Variants in ARFGEF1 observed in about 807,000 individuals in gnomAD.
The protein encoded by ARFGEF1 is brefeldin A-inhibited guanine nucleotide-exchange protein 1.
ARFGEF1 carries 42 observed loss-of-function variants against 231.0 expected under a neutral mutation model. That is an observed-to-expected ratio of 0.18 (90% CI 0.14 to 0.24). The LOEUF (loss-of-function observed/expected upper bound fraction) is 0.24. ARFGEF1 is among the 10% of genes least tolerant of loss of function. The pLI is 1.00. For synonymous variants in ARFGEF1, 710 were observed against 732.3 expected (o/e 0.97, Z 0.49); for missense variants, 1,345 against 2,192.0 (o/e 0.61, Z 7.72).
At chr8:67,310,968 G>GGGGGTCAGTTCCCC (rs574813309) in intron 1 of ARFGEF1, among the ~76,000 whole-genome samples, 1 of 145,342 alleles carries the variant, frequency 6.9e-6, no homozygotes, top group Non-Finnish European at 1.5e-5. Context: ...AGGGAGGTGG[G>GGGGGTCAGTTCCCC]GCCCGGGAGG....
At chr8:67,206,060 G>T (rs879902064) in intron 34 of ARFGEF1, among the ~76,000 whole-genome samples, 2 of 152,064 alleles carry the variant, frequency 1.3e-5, no homozygotes, top group Non-Finnish European at 2.9e-5. Context: ...ATTCGTAGTT[G>T]TGACTGAAAT....
At chr8:67,281,374 A>T (rs1805529966) in intron 7 of ARFGEF1, among the ~76,000 whole-genome samples, 1 of 152,160 alleles carries the variant, frequency 6.6e-6, no homozygotes, top group Non-Finnish European at 1.5e-5. Context: ...TAAAAAAACA[A>T]AAGTAAAATT....
chr8:67,295,251 AG>A (rs1158818191), intron 5 of ARFGEF1, among the ~76,000 whole-genome samples: 1 of 152,164 alleles, frequency 6.6e-6, no homozygotes, highest in African/African-American at 2.4e-5. Context: ...TGAGCAAGTG[AG>A]GGGAGGATCT....
At chr8:67,306,904 A>C (rs1806772777) in intron 1 of ARFGEF1, among the ~76,000 whole-genome samples, 1 of 152,154 alleles carries the variant, frequency 6.6e-6, no homozygotes, top group Non-Finnish European at 1.5e-5. Context: ...CAGCCTCCTG[A>C]GTAGCTGGGA....
chr8:67,290,177 AC>A, intron 6 of ARFGEF1, among the ~76,000 whole-genome samples: 1 of 152,344 alleles, frequency 6.6e-6, no homozygotes, highest in East Asian at 1.9e-4. Flanking sequence ...AATAATCATC[AC>A]AATCCCACAG....
chr8:67,292,033 G>A lies in ARFGEF1; in HGVS notation c.730C>T (p.Pro244Ser). Residue 244 changes from proline to serine, a missense_variant, in exon 6 of 39, where the codon CCT becomes TCT. Physicochemically the swap from Pro to Ser is moderately conservative, Grantham distance 74 (BLOSUM62 -1). Around this residue, in one of 14 missense-constraint regions of ARFGEF1, gnomAD observed 398 missense variants for 463.2 expected, o/e 0.86. Transcript: ENST00000262215. ...TGAGGTGGCAAATATCTAAGTTGAG[G>A]TGATTCAGGCTCGTGATGGCTTACT... ...SPVSHHEPES[P>S]QLRYLPPQTV... 3.7e-6 allele frequency: 6 copies of A among 1,614,000 alleles called. No individual in the cohort carries two copies. In the South Asian group the frequency reaches 6.6e-5, roughly 18 times the overall value.
At chr8:67,213,335 G>T (rs1005264097) in intron 33 of ARFGEF1, among the ~76,000 whole-genome samples, 1 of 152,222 alleles carries the variant, frequency 6.6e-6, no homozygotes, top group African/African-American at 2.4e-5. Context: ...TTAAATAAGA[G>T]TATTGTTTCA....
chr8:67,314,181 A>T (rs1453723055), intron 1 of ARFGEF1, among the ~76,000 whole-genome samples: 3 of 152,124 alleles, frequency 2.0e-5, no homozygotes, highest in Non-Finnish European at 4.4e-5. Flanking sequence ...AACTTGCCTG[A>T]GGCTTTCCGC....
At chr8:67,199,666 T>C (rs1242602340) in intron 38 of ARFGEF1, 1 of 154,770 alleles carries the variant, frequency 6.5e-6, no homozygotes. Context: ...CAGTGAGACA[T>C]ATTATGACCA....
intron 33 of ARFGEF1, among the ~76,000 whole-genome samples, chr8:67,212,657 A>T (rs554517574): frequency 2.6e-5 from 4 of 152,302 alleles, no homozygotes; most frequent in African/African-American, 9.6e-5. Flanking sequence ...ATTCTGACGT[A>T]ACAGTCCCAG....
chr8:67,244,652 C>T lies in ARFGEF1; in HGVS notation c.2851-4362G>A, dbSNP rs534452414. On this transcript the variant is annotated intron_variant, in intron 19 of 38. Coordinates refer to ENST00000262215, the MANE Select transcript of ARFGEF1 (RefSeq NM_006421.5). ...TCAAGCAGAAGAAAGAATTAGTAAG[C>T]GTGAAGACAGGCTATCTGAAAAAAA... is the stretch of plus-strand genomic sequence containing the variant. 4.9e-4 allele frequency among the ~76,000 whole-genome samples: 73 copies of T among 149,130 alleles called. 3 individuals are homozygous for T. Among genetic ancestry groups the T allele is most frequent in the African/African-American group, 1.8e-3 (72 of 39,718 alleles).
At chr8:67,197,259 CA>C (rs1265930721), downstream of ARFGEF1, among the ~76,000 whole-genome samples, 3 of 151,514 alleles carry the variant, frequency 2.0e-5, no homozygotes, top group Non-Finnish European at 2.9e-5. Context: ...CCAGCCTGGG[CA>C]ATATAGTGAG....
chr8:67,317,965 C>T (rs1587305395), intron 1 of ARFGEF1, among the ~76,000 whole-genome samples: 1 of 151,012 alleles, frequency 6.6e-6, no homozygotes, highest in Non-Finnish European at 1.5e-5. Flanking sequence ...AGGCCAGGCG[C>T]GGTGGCTCAC....
At chr8:67,313,323 A>T (rs1028639568) in intron 1 of ARFGEF1, among the ~76,000 whole-genome samples, 10 of 152,192 alleles carry the variant, frequency 6.6e-5, no homozygotes, top group African/African-American at 2.4e-4. Context: ...CACTGCTGGT[A>T]AACTAGTGTG....
intron 17 of ARFGEF1, among the ~76,000 whole-genome samples, chr8:67,254,406 G>A (rs1384020407): frequency 2.0e-5 from 3 of 152,084 alleles, no homozygotes; most frequent in Non-Finnish European, 4.4e-5. Context: ...TCTCTGAAGA[G>A]GTATTTATTT....
In ARFGEF1 at chr8:67,331,591, T is replaced by C. The variant is rs147310391; in HGVS notation, c.124+11573A>G. 6.5e-3 allele frequency among the ~76,000 whole-genome samples: 991 copies of C among 152,304 alleles called. 7 individuals are homozygous for C. The highest frequency in any genetic ancestry group is 0.023 in the African/African-American group (948 of 41,556). On this transcript the variant is annotated intron_variant, in intron 1 of 38. Transcript: ENST00000262215. ...CCACCCAGTTTACAGTATTCTGTTA[T>C]AGTAGCTTAAACAGACTAAGATATA...
At chr8:67,239,043 G>A (rs1587111777) in intron 20 of ARFGEF1, 150 bp from the exon 21 acceptor site, 6 of 611,418 alleles carry the variant, frequency 9.8e-6, no homozygotes, top group Non-Finnish European at 1.5e-5. Context: ...GTCTCACCCT[G>A]TCGCCCAGGC....
Position 67,296,045 on chromosome 8 carries a change from C to A in ARFGEF1, c.639+386G>T, listed in dbSNP as rs548358112. ...ATCATACAGGGGAAAAAACGTATTT[C>A]ATCAATATGGAAATATACTTTTTTA... is the stretch of plus-strand genomic sequence containing the variant. On this transcript the variant is annotated intron_variant, in intron 5 of 38. Coordinates refer to ENST00000262215, the MANE Select transcript of ARFGEF1 (RefSeq NM_006421.5). Among the ~76,000 whole-genome samples the A allele has an allele frequency of 4.6e-5, 7 of 152,186 alleles. No homozygotes were observed. In the East Asian group the frequency reaches 7.7e-4, roughly 17 times the overall value.
In ARFGEF1 at chr8:67,343,607, G is replaced by A; in HGVS notation, c.-320C>T. On this transcript the variant is annotated 5_prime_UTR_variant, in exon 1 of 39. Transcript: ENST00000262215. ...GTCCCTCCGGCCCTGGTGGCGGTGAGGGAGCCCGGCCCGGGCGGCTGTCTG... is the reference window on the plus strand; with the variant it reads ...GTCCCTCCGGCCCTGGTGGCGGTGAAGGAGCCCGGCCCGGGCGGCTGTCTG... 2 of 1,048,468 alleles carry A rather than the reference G, an allele frequency of 1.9e-6. No homozygotes were observed. Among genetic ancestry groups the A allele is most frequent in the African/African-American group, 1.7e-5 (1 of 59,088 alleles). 64.9% of individuals were successfully genotyped at this position (1,048,468 alleles called of 1,614,324 possible).
Sources: gnomAD v4.1 joint callset for allele counts (sites outside exome capture counted in the v4.1 genomes callset) on GRCh38, gnomAD v4.1.1 for gene constraint, gnomAD v4.1.1 regional missense constraint, MANE v1.5 for transcripts, NCBI Gene and HGNC (gene_info 2026-07-23, HGNC 2026-07-21) for gene names.